AGBL2: variants seen among roughly 807,000 people sequenced by gnomAD.
AGBL2 encodes the protein cytosolic carboxypeptidase 2.
Under a neutral mutation model 103.0 loss-of-function variants are expected in AGBL2, and 87 were observed. The ratio of observed to expected loss-of-function variants is 0.84; its 90% CI spans 0.71 to 1.01. AGBL2 has a LOEUF of 1.01. AGBL2 is among the 50% of genes least tolerant of loss of function. The pLI, the probability that AGBL2 is intolerant of heterozygous loss-of-function variation, is 0.00. For synonymous variants in AGBL2, 335 were observed against 356.7 expected (o/e 0.94, Z 0.69); for missense variants, 904 against 1,023.5 (o/e 0.88, Z 1.59).
chr11:47,665,063 T>C (rs569327555), intron 17 of AGBL2, among the ~76,000 whole-genome samples: 2 of 151,386 alleles, frequency 1.3e-5, no homozygotes, highest in East Asian at 1.9e-4. Context: ...TTTTCTTCTT[T>C]TTTTTTTTTC....
intron 12 of AGBL2, among the ~76,000 whole-genome samples, chr11:47,681,339 A>G (rs916363040): frequency 6.6e-6 from 1 of 152,066 alleles, no homozygotes; most frequent in African/African-American, 2.4e-5. Context: ...AAAAAACAAA[A>G]TAAATAAAAA....
At position 47,667,688 on chromosome 11, in the gene AGBL2, C is replaced by T. The variant is rs772198482; in HGVS notation, c.2223G>A (p.Gln741=). 1 of 1,610,544 alleles carries T rather than the reference C, an allele frequency of 6.2e-7. No homozygotes were observed. The highest frequency in any genetic ancestry group is 1.1e-5 in the South Asian group (1 of 90,724). Reference sequence around the variant, plus strand: ...TTTTCTTCTTAAACATCTTCTTTTTCTGAGTCAGCTATTCCAGAAAGTAGA... The same window carrying T: ...TTTTCTTCTTAAACATCTTCTTTTTTTGAGTCAGCTATTCCAGAAAGTAGA... ...HLANIADELT[Q]KKKMFKKKKK... is the part of the protein sequence containing the mutation. Residue 741 remains glutamine (Q), a synonymous_variant, in exon 16 of 19, where the codon CAG becomes CAA. Coordinates refer to ENST00000525123, the MANE Select transcript of AGBL2 (RefSeq NM_024783.4).
intron 3 of AGBL2, chr11:47,710,990 GA>G: frequency 2.7e-6 from 1 of 376,180 alleles, no homozygotes; most frequent in Non-Finnish European, 5.1e-6. Context: ...ATTCAACATA[GA>G]AAGGGTTCCA....
chr11:47,668,024 C>CA (rs1437315348), intron 15 of AGBL2, among the ~76,000 whole-genome samples: 1 of 151,942 alleles, frequency 6.6e-6, no homozygotes, highest in African/African-American at 2.4e-5. Context: ...GCCTGGCCAA[C>CA]ATGGTAAAAC....
rs1565026654 is a variant in AGBL2, at chr11:47,678,338, A to ATTATTTTTTTTTTTTTTTTTTTTT, written c.2017-938_2017-937insAAAAAAAAAAAAAAAAAAAAATAA. Among the ~76,000 whole-genome samples the ATTATTTTTTTTTTTTTTTTTTTTT allele has an allele frequency of 3.0e-3, 286 of 95,124 alleles. 20 individuals are homozygous for ATTATTTTTTTTTTTTTTTTTTTTT. The highest frequency in any genetic ancestry group is 4.7e-3 in the Non-Finnish European group (217 of 45,848). 62.4% of individuals were successfully genotyped at this position (95,124 alleles called of 152,430 possible). A position where few individuals can be genotyped will look rare whatever the true frequency, so the allele number is the denominator to read the frequency against. ...TTATTTTATTTTATTTTATTTTATT[A>ATTATTTTTTTTTTTTTTTTTTTTT]TTTTATTTTTTTTGAGACGGAGTCT... On this transcript the variant is annotated intron_variant, in intron 13 of 18. Coordinates refer to ENST00000525123, the MANE Select transcript of AGBL2 (RefSeq NM_024783.4).
intron 14 of AGBL2, among the ~76,000 whole-genome samples, chr11:47,676,485 A>G (rs2097374985): frequency 6.6e-6 from 1 of 152,044 alleles, no homozygotes; most frequent in Admixed American, 6.6e-5. Context: ...CCTCTTTATG[A>G]TCTACTTTTC....
intron 8 of AGBL2, among the ~76,000 whole-genome samples, chr11:47,697,385 C>A (rs2097479147): frequency 1.3e-5 from 2 of 151,680 alleles, no homozygotes; most frequent in South Asian, 4.2e-4. Flanking sequence ...ACTACAGGCG[C>A]ATGCCATCAT....
chr11:47,715,065 G>A (rs184814941), intron 1 of AGBL2, 110 bp downstream of exon 1: 124 of 193,062 alleles, frequency 6.4e-4, no homozygotes, highest in Middle Eastern at 2.4e-3. Flanking sequence ...TCAGGGGGTT[G>A]GGAAAGTGGG....
At chr11:47,685,642 G>A (rs1328247273) in intron 11 of AGBL2, among the ~76,000 whole-genome samples, 1 of 151,880 alleles carries the variant, frequency 6.6e-6, no homozygotes, top group Non-Finnish European at 1.5e-5. Flanking sequence ...GGCTGGTCTC[G>A]AACTCCTGAC....
chr11:47,702,692 G>C (rs2097503562), intron 7 of AGBL2, among the ~76,000 whole-genome samples: 1 of 151,914 alleles, frequency 6.6e-6, no homozygotes. Context: ...TGACCAAGAT[G>C]GTGAAACCCC....
chr11:47,679,840 C>T, intron 13 of AGBL2, 133 bp downstream of exon 13: 2 of 514,688 alleles, frequency 3.9e-6, no homozygotes, highest in East Asian at 3.4e-5. Context: ...GAGGGTTTTG[C>T]CATGTTGCCC....
chr11:47,698,168 A>ATTTTTTTTTTTTTTTTTTT (rs35161992), intron 8 of AGBL2, among the ~76,000 whole-genome samples: 1 of 79,836 alleles, frequency 1.3e-5, no homozygotes, highest in Non-Finnish European at 2.3e-5. Flanking sequence ...AGTCTACATA[A>ATTTTTTTTTTTTTTTTTTT]TTTTTTTTTT....
intron 4 of AGBL2, 188 bp downstream of exon 4, chr11:47,710,189 G>T (rs936644254): frequency 1.4e-4 from 99 of 686,258 alleles, no homozygotes; most frequent in Middle Eastern, 1.3e-3. Flanking sequence ...TGCCCGGCTA[G>T]AAAATACAGT....
At chr11:47,680,489 C>T (rs2097397202) in intron 12 of AGBL2, among the ~76,000 whole-genome samples, 1 of 151,336 alleles carries the variant, frequency 6.6e-6, no homozygotes, top group South Asian at 2.1e-4. Context: ...TAAAAAAATA[C>T]CACCACTGGC....
chr11:47,710,964 A>G (rs2097535092), intron 3 of AGBL2: 1 of 399,908 alleles, frequency 2.5e-6, no homozygotes, highest in Admixed American at 3.4e-5. Flanking sequence ...GCACTTTGGC[A>G]TACTGAACAC....
chr11:47,686,454 T>G (rs919082735), intron 10 of AGBL2, among the ~76,000 whole-genome samples: 8 of 148,082 alleles, frequency 5.4e-5, no homozygotes, highest in Non-Finnish European at 7.5e-5. Flanking sequence ...CTGGTTTTTT[T>G]TTTTTTTTTT....
chr11:47,706,999 C>T (rs1204767265), intron 4 of AGBL2, among the ~76,000 whole-genome samples: 2 of 138,524 alleles, frequency 1.4e-5, no homozygotes, highest in East Asian at 4.2e-4. Context: ...CCAGCCTGGC[C>T]AATATGGTGA....
intron 9 of AGBL2, among the ~76,000 whole-genome samples, chr11:47,691,729 A>AAAAAAAAAAATATATAT: frequency 8.2e-4 from 4 of 4,854 alleles, no homozygotes; most frequent in Non-Finnish European, 1.1e-3. Context: ...AAAAAAAAAA[A>AAAAAAAAAAATATATAT]ATATATATAT....
At chr11:47,711,285 C>A (rs535559742) in intron 3 of AGBL2, among the ~76,000 whole-genome samples, 1 of 152,208 alleles carries the variant, frequency 6.6e-6, no homozygotes, top group South Asian at 2.1e-4. Flanking sequence ...AGATGAACCA[C>A]CGAAGAGGAG....
Sources: gnomAD v4.1 joint callset for allele counts (sites outside exome capture counted in the v4.1 genomes callset) on GRCh38, gnomAD v4.1.1 for gene constraint, MANE v1.5 for transcripts, NCBI Gene and HGNC (gene_info 2026-07-23, HGNC 2026-07-21) for gene names.